TRHDE: variants seen among roughly 807,000 people sequenced by gnomAD.
The protein encoded by TRHDE is thyrotropin releasing hormone degrading enzyme, also known as thyrotropin-releasing hormone-degrading ectoenzyme.
A neutral mutation model predicts 125.7 loss-of-function variants in TRHDE; 72 were observed. That is an observed-to-expected ratio of 0.57 (90% CI 0.47 to 0.70). The LOEUF (loss-of-function observed/expected upper bound fraction) is 0.70. Among genes scored for constraint, TRHDE ranks in the 30% least tolerant of loss-of-function variants. TRHDE has a pLI of 0.00. For missense variants in TRHDE, 1,110 were observed against 1,327.1 expected (o/e 0.84, Z 2.54); for synonymous variants, 509 against 509.1 (o/e 1.00, Z 0.00).
intron 13 of TRHDE, among the ~76,000 whole-genome samples, chr12:72,620,168 G>T (rs1261139130): frequency 1.3e-5 from 2 of 151,672 alleles, no homozygotes; most frequent in Non-Finnish European, 2.9e-5. Context: ...ATATATTTTT[G>T]AATATATTTG....
In TRHDE at chr12:72,425,971, C is replaced by T. The variant is rs114649780; in HGVS notation, c.1316-43787C>T. Among the ~76,000 whole-genome samples, 850 of 152,072 alleles carry T rather than the reference C, an allele frequency of 5.6e-3. 4 individuals carry two copies. Among genetic ancestry groups the T allele is most frequent in the African/African-American group, 0.019 (779 of 41,530 alleles). ...AAAAGGTCAAAAAAAAGCAAGACAT[C>T]AACTGTTCATGCCAATAAACCCTGG... On this transcript the variant is annotated intron_variant, in intron 3 of 18. Transcript: ENST00000261180.
chr12:72,631,198 G>A (rs1873480657), intron 15 of TRHDE, among the ~76,000 whole-genome samples: 1 of 151,470 alleles, frequency 6.6e-6, no homozygotes, highest in South Asian at 2.1e-4. Flanking sequence ...CCAATTACAT[G>A]TATATATGCA....
At chr12:72,631,504 A>G (rs1448887552) in intron 15 of TRHDE, among the ~76,000 whole-genome samples, 2 of 151,936 alleles carry the variant, frequency 1.3e-5, no homozygotes, top group Non-Finnish European at 2.9e-5. Context: ...TATATATGAA[A>G]TTCATAATGC....
At chr12:72,563,925 C>T (rs114716378) in intron 9 of TRHDE, among the ~76,000 whole-genome samples, 1,567 of 152,162 alleles carry the variant, frequency 0.01, 28 homozygotes, top group African/African-American at 0.036. Flanking sequence ...AGGAGTCTGA[C>T]TTTATCATTC....
At chr12:72,557,148 T>C (rs970950778) in intron 7 of TRHDE, among the ~76,000 whole-genome samples, 6 of 152,214 alleles carry the variant, frequency 3.9e-5, no homozygotes, top group Non-Finnish European at 8.8e-5. Flanking sequence ...TGGTGCAATG[T>C]TGACAGATGA....
chr12:72,340,863 A>G (rs1051087220), intron 2 of TRHDE, among the ~76,000 whole-genome samples: 2 of 152,182 alleles, frequency 1.3e-5, no homozygotes, highest in Non-Finnish European at 2.9e-5. Context: ...AGTTAAAAAT[A>G]GGATGAAAAG....
intron 12 of TRHDE, among the ~76,000 whole-genome samples, chr12:72,592,964 C>T (rs553766304): frequency 3.9e-5 from 6 of 152,268 alleles, no homozygotes; most frequent in South Asian, 2.1e-4. Flanking sequence ...CCACCAGCCT[C>T]GGCCTCCCAA....
intron 2 of TRHDE, among the ~76,000 whole-genome samples, chr12:72,316,334 A>T (rs911422325): frequency 3.3e-5 from 5 of 152,132 alleles, no homozygotes; most frequent in African/African-American, 1.2e-4. Context: ...TTGCCTGTAA[A>T]CAGGTATCAC....
intron 2 of TRHDE, among the ~76,000 whole-genome samples, chr12:72,203,304 T>G (rs1877598232): frequency 6.6e-6 from 1 of 151,546 alleles, no homozygotes; most frequent in Non-Finnish European, 1.5e-5. Context: ...TACTAAAAAA[T>G]CAAAAAACAA....
chr12:72,582,452 T>C (rs755266882), intron 12 of TRHDE: 28 of 985,436 alleles, frequency 2.8e-5, no homozygotes, highest in Non-Finnish European at 3.1e-5. Context: ...TTTTTCGGCA[T>C]GGCTTTTGTT....
At chr12:72,389,866 G>A (rs1872559337) in intron 3 of TRHDE, among the ~76,000 whole-genome samples, 1 of 152,196 alleles carries the variant, frequency 6.6e-6, no homozygotes, top group African/African-American at 2.4e-5. Context: ...GGGGATGGGA[G>A]CAAAGATCAA....
intron 3 of TRHDE, among the ~76,000 whole-genome samples, chr12:72,448,180 C>T (rs1244544447): frequency 6.6e-6 from 1 of 152,034 alleles, no homozygotes; most frequent in Non-Finnish European, 1.5e-5. Flanking sequence ...TTGACACAAC[C>T]TAATGGATTA....
chr12:72,161,901 A>T (rs1876645954), intron 2 of TRHDE, among the ~76,000 whole-genome samples: 1 of 152,232 alleles, frequency 6.6e-6, no homozygotes, highest in Admixed American at 6.5e-5. Context: ...GTACACTTTA[A>T]ATATAGATAG....
chr12:72,249,706 A>T (rs1016113559), intron 2 of TRHDE, among the ~76,000 whole-genome samples: 1 of 152,170 alleles, frequency 6.6e-6, no homozygotes, highest in Non-Finnish European at 1.5e-5. Context: ...GGGAATGTAA[A>T]ATACTTTATA....
chr12:72,626,640 C>T (rs747336659), intron 15 of TRHDE, among the ~76,000 whole-genome samples: 7 of 151,938 alleles, frequency 4.6e-5, no homozygotes, highest in Admixed American at 2.0e-4. Context: ...ACTGTTTCAT[C>T]CTTGCTCTTA....
chr12:72,636,249 T>G (rs1485176682), intron 15 of TRHDE, among the ~76,000 whole-genome samples: 1 of 151,268 alleles, frequency 6.6e-6, no homozygotes, highest in African/African-American at 2.4e-5. Context: ...CTAGGTATTT[T>G]ATTCTCTTTG....
At chr12:72,481,025 G>T (rs1318929862) in intron 5 of TRHDE, among the ~76,000 whole-genome samples, 2 of 151,988 alleles carry the variant, frequency 1.3e-5, no homozygotes, top group Non-Finnish European at 2.9e-5. Flanking sequence ...CAGGTAAAAT[G>T]AATTTGCCTT....
intron 2 of TRHDE, among the ~76,000 whole-genome samples, chr12:72,374,946 C>A (rs546208419): frequency 2.0e-5 from 3 of 152,118 alleles, no homozygotes; most frequent in Non-Finnish European, 2.9e-5. Context: ...TTCACCTTGG[C>A]TATACAGGAA....
chr12:72,224,072 AT>A (rs1878054148), intron 2 of TRHDE, among the ~76,000 whole-genome samples: 1 of 67,880 alleles, frequency 1.5e-5, no homozygotes, highest in African/African-American at 4.3e-5. Flanking sequence ...CTTCCTATCT[AT>A]CTATCCATCT....
Sources: allele counts gnomAD v4.1 joint callset (sites outside exome capture counted in the v4.1 genomes callset), GRCh38; gene constraint gnomAD v4.1.1; transcripts MANE v1.5; gene names NCBI Gene and HGNC (gene_info 2026-07-23, HGNC 2026-07-21).